Variants in FAM107B observed in about 807,000 individuals in gnomAD.
The protein encoded by FAM107B is protein FAM107B.
In FAM107B, 21 loss-of-function variants were observed where a neutral mutation model predicts 31.5. The ratio of observed to expected loss-of-function variants is 0.67; its 90% CI spans 0.47 to 0.96. FAM107B has a LOEUF of 0.96. Among genes scored for constraint, FAM107B ranks in the 40% least tolerant of loss-of-function variants. The pLI is 0.00. For synonymous variants in FAM107B, 157 were observed against 141.5 expected, an observed-to-expected ratio of 1.11 and a Z score of -0.78; for missense variants, 452 against 377.1, an observed-to-expected ratio of 1.20 and a Z score of -1.64.
At chr10:14,644,338 T>C (rs539364424) in intron 2 of FAM107B, among the ~76,000 whole-genome samples, 1 of 152,354 alleles carries the variant, frequency 6.6e-6, no homozygotes, top group African/African-American at 2.4e-5. Flanking sequence ...AGGTCATTTA[T>C]CTATTTCTAT....
At chr10:14,552,980 G>A (rs1413999765) in intron 2 of FAM107B, among the ~76,000 whole-genome samples, 1 of 152,174 alleles carries the variant, frequency 6.6e-6, no homozygotes. Context: ...CTTGAGACTA[G>A]CGAAAGCACA....
intron 1 of FAM107B, among the ~76,000 whole-genome samples, chr10:14,767,428 A>G (rs577713988): frequency 7.2e-5 from 11 of 152,080 alleles, no homozygotes; most frequent in Admixed American, 2.0e-4. Context: ...TCAACAAAAT[A>G]CTAGCAAACA....
chr10:14,742,955 C>A (rs1317052168), intron 1 of FAM107B, among the ~76,000 whole-genome samples: 2 of 152,104 alleles, frequency 1.3e-5, no homozygotes, highest in Admixed American at 1.3e-4. Context: ...ACATTTTAAT[C>A]TCTGTGTTTC....
chr10:14,642,443 G>C (rs1428055288), intron 2 of FAM107B, among the ~76,000 whole-genome samples: 3 of 152,314 alleles, frequency 2.0e-5, no homozygotes, highest in Non-Finnish European at 2.9e-5. Context: ...TCTTCTGGGA[G>C]AATAGTGCAT....
intron 2 of FAM107B, among the ~76,000 whole-genome samples, chr10:14,559,263 T>C (rs1002537086): frequency 6.6e-5 from 10 of 152,198 alleles, no homozygotes; most frequent in Non-Finnish European, 1.3e-4. Flanking sequence ...AACCATTTGG[T>C]GGACCATCTC....
intron 1 of FAM107B, among the ~76,000 whole-genome samples, chr10:14,710,983 G>T (rs1361517865): frequency 7.5e-6 from 1 of 133,428 alleles, no homozygotes; most frequent in Non-Finnish European, 1.5e-5. Flanking sequence ...CGAGATCTCA[G>T]CTCACTGCAA....
At chr10:14,626,169 A>C (rs1040608773) in intron 2 of FAM107B, among the ~76,000 whole-genome samples, 2 of 152,230 alleles carry the variant, frequency 1.3e-5, no homozygotes, top group African/African-American at 4.8e-5. Context: ...AAGGCTGGTC[A>C]CTGCTGATCA....
chr10:14,745,759 G>C (rs1832715993), intron 1 of FAM107B, among the ~76,000 whole-genome samples: 1 of 152,136 alleles, frequency 6.6e-6, no homozygotes, highest in African/African-American at 2.4e-5. Flanking sequence ...GTGTTGCTGA[G>C]AAGAATGTAT....
At chr10:14,627,493 G>A (rs2131411395) in intron 2 of FAM107B, among the ~76,000 whole-genome samples, 1 of 152,374 alleles carries the variant, frequency 6.6e-6, no homozygotes, top group African/African-American at 2.4e-5. Flanking sequence ...CAGAGGTGAG[G>A]CTGGGTGCAA....
chr10:14,634,432 C>T (rs1853446133), intron 2 of FAM107B, among the ~76,000 whole-genome samples: 1 of 151,124 alleles, frequency 6.6e-6, no homozygotes, highest in East Asian at 1.9e-4. Flanking sequence ...AAAATATATG[C>T]TTGGTGTCCA....
chr10:14,703,480 C>T (rs537476268), intron 1 of FAM107B, among the ~76,000 whole-genome samples: 47 of 152,026 alleles, frequency 3.1e-4, no homozygotes, highest in African/African-American at 9.4e-4. Context: ...GGACTACAGG[C>T]GTGCGTCATC....
chr10:14,650,093 C>T (rs1853861162), intron 2 of FAM107B, among the ~76,000 whole-genome samples: 1 of 152,168 alleles, frequency 6.6e-6, no homozygotes, highest in South Asian at 2.1e-4. Flanking sequence ...CTGGAGGAAG[C>T]TTTCCAGAAG....
intron 1 of FAM107B, chr10:14,723,853 A>G: frequency 1.3e-6 from 1 of 755,588 alleles, no homozygotes; most frequent in South Asian, 1.3e-5. Context: ...AGGGTTTTCA[A>G]TGGCAACAAC....
chr10:14,697,224 C>G (rs928092493), intron 1 of FAM107B, among the ~76,000 whole-genome samples: 3 of 152,184 alleles, frequency 2.0e-5, no homozygotes, highest in Admixed American at 6.5e-5. Flanking sequence ...TTGCCTCTGC[C>G]GCTTCATCAG....
At chr10:14,543,128 G>A (rs1432882963) in intron 2 of FAM107B, among the ~76,000 whole-genome samples, 1 of 152,138 alleles carries the variant, frequency 6.6e-6, no homozygotes, top group East Asian at 1.9e-4. Context: ...GTAGCTTGAT[G>A]AAATCTGAAA....
At chr10:14,758,750 C>T (rs1832978629) in intron 1 of FAM107B, among the ~76,000 whole-genome samples, 1 of 151,884 alleles carries the variant, frequency 6.6e-6, no homozygotes, top group African/African-American at 2.4e-5. Flanking sequence ...TGCTGGCACA[C>T]CTGCAACCCC....
intron 1 of FAM107B, among the ~76,000 whole-genome samples, chr10:14,755,539 A>G (rs747849145): frequency 6.6e-6 from 1 of 151,804 alleles, no homozygotes; most frequent in Non-Finnish European, 1.5e-5. Flanking sequence ...AAGATTCCCC[A>G]GGCAAAGGCT....
intron 2 of FAM107B, among the ~76,000 whole-genome samples, chr10:14,577,758 C>G (rs1408381433): frequency 6.6e-6 from 1 of 152,164 alleles, no homozygotes; most frequent in East Asian, 1.9e-4. Context: ...CATGATGAAG[C>G]AGGCCCAATG....
intron 3 of FAM107B, among the ~76,000 whole-genome samples, chr10:14,523,866 T>C (rs888205586): frequency 6.7e-6 from 1 of 149,900 alleles, no homozygotes; most frequent in Non-Finnish European, 1.5e-5. Flanking sequence ...GTATATTCCA[T>C]CTTTTTTTTT....
Sources: allele counts gnomAD v4.1 joint callset (sites outside exome capture counted in the v4.1 genomes callset), GRCh38; gene constraint gnomAD v4.1.1; transcripts MANE v1.5; gene names NCBI Gene and HGNC (gene_info 2026-07-23, HGNC 2026-07-21).